NRG3: variants seen among roughly 807,000 people sequenced by gnomAD.
NRG3 encodes pro-neuregulin-3, membrane-bound isoform.
In NRG3, 31 loss-of-function variants were observed where a neutral mutation model predicts 66.9. That is an observed-to-expected ratio of 0.46 (90% CI 0.35 to 0.63). The LOEUF is 0.63. Among genes scored for constraint, NRG3 ranks in the 20% least tolerant of loss-of-function variants. The probability of loss-of-function intolerance (pLI) is 0.00; values close to 1 mark genes in which losing one functional copy is unlikely to be tolerated. For missense variants in NRG3, 910 were observed against 878.9 expected, an observed-to-expected ratio of 1.04 and a Z score of -0.45; for synonymous variants, 393 against 359.4, an observed-to-expected ratio of 1.09 and a Z score of -1.06.
intron 4 of NRG3, among the ~76,000 whole-genome samples, chr10:82,878,756 A>G (rs1344624451): frequency 6.6e-6 from 1 of 152,248 alleles, no homozygotes; most frequent in African/African-American, 2.4e-5. Flanking sequence ...TTTGGATTAC[A>G]TATAACTTTT....
At chr10:82,566,298 C>T (rs1565076927) in intron 2 of NRG3, among the ~76,000 whole-genome samples, 1 of 151,602 alleles carries the variant, frequency 6.6e-6, no homozygotes, top group Non-Finnish European at 1.5e-5. Flanking sequence ...GTTGACTGTT[C>T]TTACTTTTTT....
At chr10:81,883,475 TA>T (rs1842354973) in intron 1 of NRG3, among the ~76,000 whole-genome samples, 1 of 152,162 alleles carries the variant, frequency 6.6e-6, no homozygotes, top group African/African-American at 2.4e-5. Flanking sequence ...TTAAGTTTAA[TA>T]ATGGAAGTTT....
chr10:82,222,575 G>A (rs1362491337), intron 1 of NRG3, among the ~76,000 whole-genome samples: 2 of 150,516 alleles, frequency 1.3e-5, no homozygotes, highest in African/African-American at 4.9e-5. Context: ...CTCCTGTAGG[G>A]CATTTCTAAA....
chr10:82,020,178 T>TA (rs2061996500), intron 1 of NRG3, among the ~76,000 whole-genome samples: 1 of 152,170 alleles, frequency 6.6e-6, no homozygotes, highest in South Asian at 2.1e-4. Context: ...TTATAAATTG[T>TA]AAATTGTGAT....
intron 3 of NRG3, among the ~76,000 whole-genome samples, chr10:82,746,844 C>T (rs2058666610): frequency 6.6e-6 from 1 of 152,038 alleles, no homozygotes; most frequent in Admixed American, 6.6e-5. Context: ...TTTGGGAAGC[C>T]ATGGTGTAAG....
chr10:82,704,435 C>T (rs1365333390), intron 2 of NRG3, among the ~76,000 whole-genome samples: 5 of 152,218 alleles, frequency 3.3e-5, no homozygotes, highest in African/African-American at 1.2e-4. Context: ...CATACTCCTT[C>T]ATCTTGCCCA....
rs142109152 is a variant in NRG3 at position 82,039,216 on chromosome 10, A to G, written c.823+163053A>G. ...TTGTGAGTGATGATTAGCGCTGCCA[A>G]TGCCCCAGCAGTAGCAGGAAAGAAT... On this transcript the variant is annotated intron_variant, in intron 1 of 8. Transcript: ENST00000372141. Among the ~76,000 whole-genome samples, 150 of 152,262 alleles carry G rather than the reference A, an allele frequency of 9.9e-4. 2 individuals are homozygous for G. In the Middle Eastern group the frequency reaches 0.01, roughly 10 times the overall value.
At chr10:82,524,410 T>C (rs2132575577) in intron 2 of NRG3, among the ~76,000 whole-genome samples, 2 of 152,106 alleles carry the variant, frequency 1.3e-5, no homozygotes, top group South Asian at 2.1e-4. Flanking sequence ...CCTTATTCAG[T>C]ATTTAAATTT....
At chr10:82,928,976 C>A (rs1847291415) in intron 4 of NRG3, among the ~76,000 whole-genome samples, 1 of 152,138 alleles carries the variant, frequency 6.6e-6, no homozygotes, top group Non-Finnish European at 1.5e-5. Context: ...TCAAGACACT[C>A]ATGGTCTGTT....
chr10:82,218,240 C>A (rs1589357721), intron 1 of NRG3, among the ~76,000 whole-genome samples: 1 of 152,134 alleles, frequency 6.6e-6, no homozygotes, highest in Admixed American at 6.6e-5. Context: ...ATGTCCCATA[C>A]AAATTAACAG....
intron 4 of NRG3, among the ~76,000 whole-genome samples, chr10:82,929,939 T>A (rs2132148119): frequency 6.7e-6 from 1 of 149,866 alleles, no homozygotes; most frequent in Admixed American, 6.6e-5. Context: ...CAAAGAGGGA[T>A]TTTGATGGGC....
At chr10:82,377,093 T>C (rs1276644998) in intron 2 of NRG3, among the ~76,000 whole-genome samples, 1 of 152,228 alleles carries the variant, frequency 6.6e-6, no homozygotes, top group Non-Finnish European at 1.5e-5. Context: ...CTTTGATTGA[T>C]GTATATTTTT....
chr10:82,836,494 C>G (rs1441994731), intron 3 of NRG3, among the ~76,000 whole-genome samples: 1 of 152,116 alleles, frequency 6.6e-6, no homozygotes, highest in African/African-American at 2.4e-5. Context: ...ATTTTCAACT[C>G]GGCTGTCCTT....
intron 4 of NRG3, among the ~76,000 whole-genome samples, chr10:82,946,118 G>A (rs549068469): frequency 6.6e-6 from 1 of 151,700 alleles, no homozygotes; most frequent in East Asian, 2.0e-4. Context: ...GTAAATTAAT[G>A]AAGAATATGG....
rs10547101 is a variant in NRG3 at position 82,957,893 on chromosome 10, CGTGT to C, written c.1158-1030_1158-1027del. Among the ~76,000 whole-genome samples the C allele has an allele frequency of 8.9e-3, 1,330 of 149,348 alleles. 11 individuals are homozygous for C. The highest frequency in any genetic ancestry group is 0.028 in the Middle Eastern group (8 of 290). ...TAGGTCAACACTGCAAAGAGGTGTG[CGTGT>C]GTGTGTGTGTGTGTGTGTGTGTGTG... On this transcript the variant is annotated intron_variant, in intron 5 of 8. Coordinates refer to ENST00000372141, the MANE Select transcript of NRG3 (RefSeq NM_001010848.4).
In NRG3 at chr10:82,608,623, C is replaced by G. The variant is rs571599867; in HGVS notation, c.954-129954C>G. On this transcript the variant is annotated intron_variant, in intron 2 of 8. Transcript: ENST00000372141. ...GTTAGTTACCATTCTTAAAGTGAGA[C>G]TGTGTCTCTGGGCTGTCACTTCTAC... 1.1e-4 allele frequency among the ~76,000 whole-genome samples: 16 copies of G among 152,264 alleles called. 2 individuals are homozygous for G. In the South Asian group the frequency reaches 3.3e-3, roughly 32 times the overall value.
intron 1 of NRG3, among the ~76,000 whole-genome samples, chr10:82,340,148 A>C (rs1356364618): frequency 6.6e-6 from 1 of 152,166 alleles, no homozygotes; most frequent in Non-Finnish European, 1.5e-5. Context: ...GGCTAGTGTT[A>C]GAGTTAGTCC....
At chr10:82,937,481 T>A (rs1564646351) in intron 4 of NRG3, among the ~76,000 whole-genome samples, 2 of 152,178 alleles carry the variant, frequency 1.3e-5, no homozygotes, top group Non-Finnish European at 2.9e-5. Context: ...GCCACAAACA[T>A]GTGATGGTCA....
intron 2 of NRG3, among the ~76,000 whole-genome samples, chr10:82,704,013 C>T (rs7906707): frequency 0.31 from 46,812 of 151,906 alleles, 8,436 homozygotes; most frequent in African/African-American, 0.49. Context: ...TACAAACCTT[C>T]TACCCACAAA....
Sources: allele counts gnomAD v4.1 joint callset (sites outside exome capture counted in the v4.1 genomes callset), GRCh38; gene constraint gnomAD v4.1.1; transcripts MANE v1.5; gene names NCBI Gene and HGNC (gene_info 2026-07-23, HGNC 2026-07-21).